Variants in MAP2 observed in about 807,000 individuals in gnomAD.
The protein encoded by MAP2 is microtubule-associated protein 2.
MAP2 carries 14 observed loss-of-function variants against 137.6 expected under a neutral mutation model. That is an observed-to-expected ratio of 0.10 (90% confidence interval 0.07 to 0.16). The LOEUF (loss-of-function observed/expected upper bound fraction) is 0.16, where lower values mean the gene tolerates loss of function less well. Ranked by LOEUF, MAP2 falls within the 10% of genes least tolerant of loss-of-function variation. The probability of loss-of-function intolerance (pLI) is 1.00; values close to 1 mark genes in which losing one functional copy is unlikely to be tolerated. For synonymous variants in MAP2, 786 were observed against 782.3 expected, an observed-to-expected ratio of 1.00 and a Z score of -0.08; for missense variants, 2,088 against 2,191.5, an observed-to-expected ratio of 0.95 and a Z score of 0.94.
intron 3 of MAP2, among the ~76,000 whole-genome samples, chr2:209,593,709 T>A (rs1402261992): frequency 2.2e-5 from 2 of 90,218 alleles, no homozygotes; most frequent in South Asian, 3.1e-4. Flanking sequence ...ATATTATATT[T>A]TATATTATAT....
At chr2:209,559,184 C>T (rs1206568141) in intron 2 of MAP2, among the ~76,000 whole-genome samples, 1 of 152,060 alleles carries the variant, frequency 6.6e-6, no homozygotes, top group African/African-American at 2.4e-5. Context: ...CCCAACTCCT[C>T]TCCTTTTCTA....
chr2:209,486,921 T>C (rs1427247964), intron 1 of MAP2, among the ~76,000 whole-genome samples: 2 of 152,180 alleles, frequency 1.3e-5, no homozygotes, highest in Admixed American at 6.5e-5. Flanking sequence ...TAGATTAATA[T>C]TTTCAGACTT....
At chr2:209,424,657 AG>A (rs2149213311) in intron 1 of MAP2, among the ~76,000 whole-genome samples, 1 of 152,368 alleles carries the variant, frequency 6.6e-6, no homozygotes, top group East Asian at 1.9e-4. Context: ...AGTGGAAAAT[AG>A]GAAATCGAGG....
intron 13 of MAP2, among the ~76,000 whole-genome samples, chr2:209,720,298 ACT>A (rs1173868070): frequency 6.6e-6 from 1 of 152,084 alleles, no homozygotes; most frequent in Non-Finnish European, 1.5e-5. Flanking sequence ...AGATTGTCAC[ACT>A]CTTTCAAATT....
At chr2:209,497,830 A>T (rs2059930513) in intron 1 of MAP2, among the ~76,000 whole-genome samples, 2 of 152,150 alleles carry the variant, frequency 1.3e-5, no homozygotes, top group Admixed American at 1.3e-4. Context: ...CATGATCCAA[A>T]CCCCTCCTAC....
At chr2:209,613,374 G>C (rs1277625551) in intron 3 of MAP2, among the ~76,000 whole-genome samples, 2 of 151,974 alleles carry the variant, frequency 1.3e-5, no homozygotes, top group Non-Finnish European at 2.9e-5. Flanking sequence ...ATGTGAAATG[G>C]CAAAAATAAA....
At chr2:209,456,042 A>T (rs950179939) in intron 1 of MAP2, among the ~76,000 whole-genome samples, 3 of 152,182 alleles carry the variant, frequency 2.0e-5, no homozygotes, top group African/African-American at 7.2e-5. Context: ...AAACCTCTGC[A>T]TCTTTGATCT....
chr2:209,442,323 G>T (rs945014918), intron 1 of MAP2, among the ~76,000 whole-genome samples: 3 of 151,482 alleles, frequency 2.0e-5, no homozygotes, highest in African/African-American at 7.3e-5. Flanking sequence ...GGGAGCAAAA[G>T]AACTTTAACC....
At chr2:209,454,438 A>C (rs1385842544) in intron 1 of MAP2, among the ~76,000 whole-genome samples, 1 of 151,842 alleles carries the variant, frequency 6.6e-6, no homozygotes, top group Non-Finnish European at 1.5e-5. Flanking sequence ...GAGTTCAAGC[A>C]ATTCTCCCTC....
chr2:209,729,842 C>T lies in MAP2; in HGVS notation c.5156-8C>T, dbSNP rs372044349. 3.2e-6 allele frequency: 5 copies of T among 1,578,624 alleles called. No individual in the cohort carries two copies. The African/African-American group carries it at 5.4e-5, about 17-fold the overall frequency. On this transcript the variant is annotated splice_polypyrimidine_tract_variant and splice_region_variant and intron_variant, in intron 14 of 15. Transcript: ENST00000682079. ...TATAGTTAAATCAAGGTATTTCTTCCCTCATAGGTGGCGGACGTGTGAAAA... is the reference window on the plus strand; with the variant it reads ...TATAGTTAAATCAAGGTATTTCTTCTCTCATAGGTGGCGGACGTGTGAAAA...
At chr2:209,608,299 T>C (rs1000600060) in intron 3 of MAP2, among the ~76,000 whole-genome samples, 1 of 152,088 alleles carries the variant, frequency 6.6e-6, no homozygotes, top group Non-Finnish European at 1.5e-5. Context: ...ATCTTTTTTT[T>C]TTTAATGGAG....
chr2:209,515,964 C>A (rs1205149461), intron 2 of MAP2, among the ~76,000 whole-genome samples: 7 of 151,646 alleles, frequency 4.6e-5, no homozygotes, highest in African/African-American at 1.7e-4. Flanking sequence ...AATTTTTTTT[C>A]TTTTATTTTT....
At chr2:209,605,707 T>C (rs2084450349) in intron 3 of MAP2, among the ~76,000 whole-genome samples, 1 of 152,196 alleles carries the variant, frequency 6.6e-6, no homozygotes, top group Non-Finnish European at 1.5e-5. Flanking sequence ...ACTATTGTGA[T>C]ACAGAAATAA....
intron 1 of MAP2, among the ~76,000 whole-genome samples, chr2:209,499,214 C>T (rs780883533): frequency 1.3e-4 from 20 of 152,142 alleles, no homozygotes; most frequent in Non-Finnish European, 2.5e-4. Flanking sequence ...GTATAGTCAC[C>T]ATGAAGCTCA....
At chr2:209,604,733 G>C (rs1033934652) in intron 3 of MAP2, among the ~76,000 whole-genome samples, 1 of 152,060 alleles carries the variant, frequency 6.6e-6, no homozygotes, top group African/African-American at 2.4e-5. Context: ...TTCTTTTATT[G>C]CTTAAGCAAG....
intron 3 of MAP2, among the ~76,000 whole-genome samples, chr2:209,601,864 A>G (rs964959067): frequency 5.3e-5 from 8 of 152,180 alleles, no homozygotes; most frequent in African/African-American, 9.7e-5. Flanking sequence ...TTAAAGTCTC[A>G]CCCTTTGTAT....
chr2:209,552,750 A>G (rs1386486124), intron 2 of MAP2, among the ~76,000 whole-genome samples: 5 of 151,974 alleles, frequency 3.3e-5, no homozygotes, highest in Admixed American at 1.3e-4. Context: ...AGTCCCAGCT[A>G]CTTGGGAGGC....
intron 4 of MAP2, among the ~76,000 whole-genome samples, chr2:209,631,183 C>T (rs2093008032): frequency 6.6e-6 from 1 of 151,934 alleles, no homozygotes; most frequent in Non-Finnish European, 1.5e-5. Context: ...AATAAAACTG[C>T]TTATAAGATG....
chr2:209,653,258 G>C lies in MAP2; in HGVS notation c.88G>C (p.Glu30Gln). The change falls in exon 5 of 16, where the codon GAG becomes CAG. Residue 30 changes from glutamate to glutamine, a missense_variant. Glu to Gln is a conservative substitution (Grantham distance 29). Around this residue, in one of 6 missense-constraint regions of MAP2, gnomAD observed 859 missense variants for 794.5 expected, o/e 1.08. Transcript: ENST00000682079. ...GGCATCTGCACACTCACATCCACCT[G>C]AGATTAAGGATCAAGGCGGAGCAGG... ...TEASAHSHPPEIKDQGGAGEG... is the reference protein window; with the variant it reads ...TEASAHSHPPQIKDQGGAGEG... 6.2e-7 allele frequency: 1 copy of C among 1,614,118 alleles called. No individual in the cohort carries two copies. The highest frequency in any genetic ancestry group is 8.5e-7 in the Non-Finnish European group (1 of 1,179,996).
Sources: allele counts gnomAD v4.1 joint callset (sites outside exome capture counted in the v4.1 genomes callset), GRCh38; gene constraint gnomAD v4.1.1; regional missense constraint gnomAD v4.1.1; transcripts MANE v1.5; gene names NCBI Gene and HGNC (gene_info 2026-07-23, HGNC 2026-07-21).